Variants in DRC4 observed in about 807,000 individuals in gnomAD.
DRC4 encodes GAS-11.
the DRC4 span, chr16:90,040,631 A>G: frequency 1.1e-6 from 1 of 879,378 alleles, no homozygotes; most frequent in Non-Finnish European, 1.7e-6. Context: ...GAGGAGGGGC[A>G]TTCATGGGTT....
At chr16:90,035,521 T>G in the DRC4 span, 5 of 1,352,816 alleles carry the variant, frequency 3.7e-6, no homozygotes, top group African/African-American at 1.4e-5. Flanking sequence ...TTGAGGGAGG[T>G]GAGTTAGGGA....
At chr16:90,040,489 C>G in the DRC4 span, 3 of 1,604,412 alleles carry the variant, frequency 1.9e-6, no homozygotes, top group Admixed American at 1.7e-5. Context: ...AGCCCTGACG[C>G]TGGTGTCCCG....
At chr16:90,027,295 A>G in the DRC4 span, among the ~76,000 whole-genome samples, 3 of 151,230 alleles carry the variant, frequency 2.0e-5, no homozygotes, top group Non-Finnish European at 4.4e-5. Flanking sequence ...TCACTGTGTT[A>G]GCCGGGATGG....
the DRC4 span, among the ~76,000 whole-genome samples, chr16:90,032,350 TGAG>T: frequency 1.3e-4 from 18 of 133,484 alleles, no homozygotes; most frequent in Admixed American, 5.4e-4. Flanking sequence ...TATGTACAGG[TGAG>T]GAGGTGTGGT....
At chr16:90,028,013 A>T in the DRC4 span, 1 of 394,326 alleles carries the variant, frequency 2.5e-6, no homozygotes, top group Non-Finnish European at 4.6e-6. Flanking sequence ...TTCTCTTTCA[A>T]TCTTACCCTT....
At chr16:90,025,649 C>CAAAAA in the DRC4 span, among the ~76,000 whole-genome samples, 4 of 45,926 alleles carry the variant, frequency 8.7e-5, no homozygotes, top group African/African-American at 1.9e-4. Context: ...GACTCTGTCT[C>CAAAAA]AAAAAAAAAA....
chr16:90,019,643 G>C, the DRC4 span: 1 of 422,976 alleles, frequency 2.4e-6, no homozygotes, highest in Non-Finnish European at 4.1e-6. This position sits in a 1 kb window ranked among gnomAD's most constrained non-coding sequence, Gnocchi z 6.1. Context: ...CTTCCCTCGC[G>C]GGCCGCGCCC....
chr16:90,034,706 AATT>A, the DRC4 span, among the ~76,000 whole-genome samples: 4 of 151,438 alleles, frequency 2.6e-5, no homozygotes, highest in South Asian at 2.1e-4. Flanking sequence ...AATATATAAT[AATT>A]GTTCATTAAA....
the DRC4 span, among the ~76,000 whole-genome samples, chr16:90,025,649 C>CAAAAAAAA: frequency 2.2e-5 from 1 of 45,928 alleles, no homozygotes; most frequent in Non-Finnish European, 3.8e-5. Context: ...GACTCTGTCT[C>CAAAAAAAA]AAAAAAAAAA....
chr16:90,024,140 TCACACACA>T, the DRC4 span, among the ~76,000 whole-genome samples: 2 of 143,840 alleles, frequency 1.4e-5, no homozygotes, highest in South Asian at 2.1e-4. Flanking sequence ...ACACACACAC[TCACACACA>T]CACACACACA....
chr16:90,025,381 G>A, the DRC4 span, among the ~76,000 whole-genome samples: 1 of 151,476 alleles, frequency 6.6e-6, no homozygotes, highest in Non-Finnish European at 1.5e-5. Context: ...GCCAGTCGCG[G>A]TGGCTCACGC....
chr16:90,041,497 C>CT, the DRC4 span, among the ~76,000 whole-genome samples: 3 of 151,858 alleles, frequency 2.0e-5, no homozygotes, highest in Non-Finnish European at 4.4e-5. Flanking sequence ...CTGAAGACTA[C>CT]TTTTTTCTGT....
the DRC4 span, chr16:90,042,957 C>A: frequency 1.8e-6 from 1 of 548,080 alleles, no homozygotes; most frequent in South Asian, 2.4e-5. Context: ...TCCCTGCCCT[C>A]TGCCTCCGTC....
the DRC4 span, chr16:90,036,522 C>G: frequency 3.1e-6 from 5 of 1,611,868 alleles, no homozygotes; most frequent in Admixed American, 6.7e-5. Flanking sequence ...GAGGCCTTCA[C>G]CGACATTAAG....
the DRC4 span, chr16:90,037,452 C>A: frequency 7.1e-6 from 11 of 1,554,078 alleles, 1 homozygote; most frequent in South Asian, 1.3e-4. Context: ...TGCCTAGGCT[C>A]AGGAGGGAGG....
At chr16:90,039,498 G>T in the DRC4 span, among the ~76,000 whole-genome samples, 1 of 151,726 alleles carries the variant, frequency 6.6e-6, no homozygotes, top group East Asian at 1.9e-4. Flanking sequence ...TGATACTCCT[G>T]CCTCGGCCTC....
At chr16:90,041,893 C>T in the DRC4 span, among the ~76,000 whole-genome samples, 1 of 152,164 alleles carries the variant, frequency 6.6e-6, no homozygotes, top group Non-Finnish European at 1.5e-5. Context: ...TGTGGCTGCA[C>T]GCTGCCTGCC....
chr16:90,033,005 A>G, the DRC4 span: 54 of 1,201,644 alleles, frequency 4.5e-5, no homozygotes, highest in Non-Finnish European at 6.1e-5. Context: ...TGTTTATTCA[A>G]CAGCAACTGG....
At chr16:90,041,219 G>C in the DRC4 span, among the ~76,000 whole-genome samples, 1 of 152,244 alleles carries the variant, frequency 6.6e-6, no homozygotes, top group Non-Finnish European at 1.5e-5. Context: ...GAGGATGGAG[G>C]ATGGAGCTAA....
Sources: gnomAD v4.1 joint callset for allele counts (sites outside exome capture counted in the v4.1 genomes callset) on GRCh38, gnomAD v4.1.1 for gene constraint, Gnocchi (gnomAD v3.1) non-coding constraint, MANE v1.5 for transcripts, NCBI Gene and HGNC (gene_info 2026-07-23, HGNC 2026-07-21) for gene names.